Variants in MEMO1 observed in about 807,000 individuals in gnomAD.
MEMO1 encodes the protein mediator of cell motility 1.
Under a neutral mutation model 45.2 loss-of-function variants are expected in MEMO1, and 6 were observed. The observed-to-expected ratio is 0.13, with a 90% confidence interval of 0.07 to 0.26. MEMO1 has a LOEUF of 0.26. Among genes scored for constraint, MEMO1 ranks in the 10% least tolerant of loss-of-function variants. The pLI is 1.00. For missense variants in MEMO1, 184 were observed against 370.5 expected (o/e 0.50, Z 4.13); for synonymous variants, 78 against 124.3 (o/e 0.63, Z 2.48).
rs186348548 is a variant in MEMO1 at position 31,961,506 on chromosome 2, T to C, written c.62-18123A>G. 4.5e-3 allele frequency among the ~76,000 whole-genome samples: 664 copies of C among 147,140 alleles called. 2 individuals carry two copies. Among genetic ancestry groups the C allele is most frequent in the Non-Finnish European group, 6.2e-3 (412 of 66,348 alleles). On this transcript the variant is annotated intron_variant, in intron 2 of 9. Coordinates refer to ENST00000404530, the MANE Select transcript of MEMO1 (RefSeq NM_001301833.4). ...GGCCAGCCATGGTGGCTCACGCCTA[T>C]AATCCCAGCACTTTGGGAGGCCTAG...
At chr2:31,925,572 CAAT>C (rs1682984534) in intron 4 of MEMO1, among the ~76,000 whole-genome samples, 1 of 150,826 alleles carries the variant, frequency 6.6e-6, no homozygotes. Flanking sequence ...AGGTCTACCA[CAAT>C]AGTTCTCAAA....
chr2:31,916,857 G>C (rs1681523815), intron 6 of MEMO1, among the ~76,000 whole-genome samples: 1 of 151,874 alleles, frequency 6.6e-6, no homozygotes. Context: ...AATTAGAGTG[G>C]AAAACAATCC....
At chr2:31,905,186 A>G (rs1346590113) in intron 6 of MEMO1, among the ~76,000 whole-genome samples, 1 of 152,110 alleles carries the variant, frequency 6.6e-6, no homozygotes, top group Non-Finnish European at 1.5e-5. Context: ...GTGAGCTGTA[A>G]GCATGCCACT....
Position 31,974,243 on chromosome 2 carries a change from A to T in MEMO1, c.62-30860T>A, listed in dbSNP as rs542451646. Among the ~76,000 whole-genome samples the T allele has an allele frequency of 1.4e-4, 22 of 152,324 alleles. No individual in the cohort carries two copies. The South Asian group carries it at 4.6e-3, about 32-fold the overall frequency. The stretch of plus-strand genomic sequence containing the variant: ...ATCAACAAAGTTAAATCAATTTATG[A>T]CATCATTTGCAGTTAATAATTTAAA... On this transcript the variant is annotated intron_variant, in intron 2 of 9. Transcript: ENST00000404530.
chr2:31,894,823 T>C (rs1381718455), intron 6 of MEMO1, among the ~76,000 whole-genome samples: 1 of 152,152 alleles, frequency 6.6e-6, no homozygotes, highest in Non-Finnish European at 1.5e-5. Context: ...TAATGAGAAA[T>C]GGGGTCTCAC....
chr2:32,008,732 A>G (rs376654173), intron 2 of MEMO1, among the ~76,000 whole-genome samples: 9 of 152,362 alleles, frequency 5.9e-5, no homozygotes, highest in African/African-American at 1.9e-4. Context: ...ATAAAATGTC[A>G]TATTTGCTTA....
intron 5 of MEMO1, among the ~76,000 whole-genome samples, chr2:31,919,923 T>TACATGC (rs1016283183): frequency 6.8e-6 from 1 of 147,946 alleles, no homozygotes; most frequent in Non-Finnish European, 1.5e-5. Context: ...TGCATATGTA[T>TACATGC]ACATGCACAT....
At chr2:31,966,056 C>T (rs1668577754) in intron 2 of MEMO1, among the ~76,000 whole-genome samples, 1 of 152,150 alleles carries the variant, frequency 6.6e-6, no homozygotes, top group South Asian at 2.1e-4. Context: ...ACATATTAAA[C>T]ATATGTTTGC....
chr2:31,986,975 G>C (rs1164863302), intron 2 of MEMO1, among the ~76,000 whole-genome samples: 1 of 152,150 alleles, frequency 6.6e-6, no homozygotes, highest in African/African-American at 2.4e-5. Flanking sequence ...GTAGCATGTT[G>C]CAACAATTAG....
intron 3 of MEMO1, among the ~76,000 whole-genome samples, chr2:31,934,567 G>A (rs1264865116): frequency 6.6e-6 from 1 of 152,086 alleles, no homozygotes; most frequent in Admixed American, 6.6e-5. Context: ...ATTAAGGAAG[G>A]GCCTAAAGAC....
At chr2:31,971,759 C>A (rs746644903) in intron 2 of MEMO1, among the ~76,000 whole-genome samples, 1 of 152,150 alleles carries the variant, frequency 6.6e-6, no homozygotes, top group Non-Finnish European at 1.5e-5. Flanking sequence ...TACCTGAGGT[C>A]AGGAGTTCAA....
At chr2:31,924,645 A>G (rs1682820822) in intron 4 of MEMO1, among the ~76,000 whole-genome samples, 1 of 152,186 alleles carries the variant, frequency 6.6e-6, no homozygotes, top group Admixed American at 6.5e-5. Flanking sequence ...TAGTCCAAAT[A>G]ATGGAACATA....
chr2:31,895,338 G>C (rs544410428), intron 6 of MEMO1, among the ~76,000 whole-genome samples: 18 of 152,192 alleles, frequency 1.2e-4, no homozygotes, highest in African/African-American at 4.1e-4. Flanking sequence ...AACTTCAAAG[G>C]AGTTATTATA....
intron 7 of MEMO1, 85 bp downstream of exon 7, chr2:31,891,907 C>A: frequency 7.3e-7 from 1 of 1,366,628 alleles, no homozygotes; most frequent in South Asian, 1.5e-5. Context: ...TGATAAAAAA[C>A]TGAAAATCAG....
chr2:31,996,980 A>T (rs983048051), intron 2 of MEMO1, among the ~76,000 whole-genome samples: 1 of 152,200 alleles, frequency 6.6e-6, no homozygotes, highest in African/African-American at 2.4e-5. Context: ...CTTGTAATGC[A>T]CCACAAGTCT....
intron 8 of MEMO1, among the ~76,000 whole-genome samples, chr2:31,871,951 T>C (rs758985629): frequency 1.9e-4 from 28 of 150,214 alleles, no homozygotes; most frequent in Non-Finnish European, 3.8e-4. Context: ...GAAGCAGAGG[T>C]TGCAGTGACC....
chr2:32,009,033 T>C (rs1279757011), intron 2 of MEMO1, among the ~76,000 whole-genome samples: 2 of 152,168 alleles, frequency 1.3e-5, no homozygotes, highest in African/African-American at 2.4e-5. Flanking sequence ...CTGAAGACTA[T>C]GAGGAATCAC....
chr2:32,003,487 T>C (rs547381743), intron 2 of MEMO1, among the ~76,000 whole-genome samples: 18 of 152,274 alleles, frequency 1.2e-4, no homozygotes, highest in Admixed American at 6.5e-4. Flanking sequence ...TCTGTGCATA[T>C]CCACCAAGGT....
At chr2:31,868,798 C>T (rs1673233886) in intron 9 of MEMO1, among the ~76,000 whole-genome samples, 1 of 152,080 alleles carries the variant, frequency 6.6e-6, no homozygotes, top group Non-Finnish European at 1.5e-5. Context: ...TTTCTCTTTA[C>T]CGTATAAACC....
Sources: gnomAD v4.1 joint callset for allele counts (sites outside exome capture counted in the v4.1 genomes callset) on GRCh38, gnomAD v4.1.1 for gene constraint, MANE v1.5 for transcripts, NCBI Gene and HGNC (gene_info 2026-07-23, HGNC 2026-07-21) for gene names.